The following GAREM1 variants were observed in gnomAD, a reference collection of about 807,000 sequenced individuals.
The protein encoded by GAREM1 is GRB2 associated regulator of MAPK1 subtype 1, also known as GRB2-associated and regulator of MAPK protein 1.
Under a neutral mutation model 71.3 loss-of-function variants are expected in GAREM1, and 26 were observed. The ratio of observed to expected loss-of-function variants is 0.36; its 90% CI spans 0.27 to 0.51. GAREM1 has a LOEUF of 0.51. Among genes scored for constraint, GAREM1 ranks in the 20% least tolerant of loss-of-function variants. GAREM1 has a pLI of 0.95. For synonymous variants in GAREM1, 440 were observed against 433.2 expected, an observed-to-expected ratio of 1.02 and a Z score of -0.20; for missense variants, 1,026 against 1,103.1, an observed-to-expected ratio of 0.93 and a Z score of 0.99.
chr18:32,295,416 T>C (rs1019463189), intron 3 of GAREM1, among the ~76,000 whole-genome samples: 2 of 152,224 alleles, frequency 1.3e-5, no homozygotes, highest in African/African-American at 4.8e-5. Context: ...GAGACTGGCC[T>C]ACAGTTTTAT....
In GAREM1 at chr18:32,264,569, A is replaced by C. The variant is rs369163516; in HGVS notation, c.*3302T>G. ...GGAACGGACTGTCATAATATTTCCC[A>C]TAAGATTGTTGTATTTCGACATGAG... On this transcript the variant is annotated 3_prime_UTR_variant, in exon 6 of 6. Coordinates refer to ENST00000269209, the MANE Select transcript of GAREM1 (RefSeq NM_001242409.2). The C allele has an allele frequency of 5.9e-5, 9 of 152,350 alleles. No individual in the cohort carries two copies. In the East Asian group the frequency reaches 9.6e-4, roughly 16 times the overall value. 9.4% of individuals were successfully genotyped at this position (152,350 alleles called of 1,614,324 possible). A position where few individuals can be genotyped will look rare whatever the true frequency, so the allele number is the denominator to read the frequency against.
chr18:32,450,868 T>A (rs985616572), intron 1 of GAREM1, among the ~76,000 whole-genome samples: 14 of 151,920 alleles, frequency 9.2e-5, no homozygotes, highest in African/African-American at 3.4e-4. Flanking sequence ...ATTTACCATA[T>A]TCTGTCTTTC....
chr18:32,343,967 C>A (rs959625023), intron 2 of GAREM1, among the ~76,000 whole-genome samples: 1 of 152,136 alleles, frequency 6.6e-6, no homozygotes, highest in African/African-American at 2.4e-5. Context: ...CCCTCCTAGG[C>A]ACACTCCCTC....
chr18:32,333,599 A>G (rs939160345), intron 2 of GAREM1, among the ~76,000 whole-genome samples: 7 of 152,206 alleles, frequency 4.6e-5, no homozygotes, highest in African/African-American at 1.2e-4. Flanking sequence ...GCCAGTATAC[A>G]AACTCCAATA....
In GAREM1 at chr18:32,470,563, G is replaced by C; in HGVS notation, c.-135C>G. ...CGGGCAGCTCCGGCCGCGGGCAGCC[G>C]GGGGGGCGCGGCGACTGGGGCGGCC... On this transcript the variant is annotated 5_prime_UTR_variant, in exon 1 of 6. Transcript: ENST00000269209. This position sits in a 1 kb window ranked among gnomAD's most constrained non-coding sequence, Gnocchi z 4.4. 2 of 517,228 alleles carry C rather than the reference G, an allele frequency of 3.9e-6. No individual in the cohort carries two copies. The highest frequency in any genetic ancestry group is 4.9e-6 in the Non-Finnish European group (2 of 404,868). 32.0% of individuals were successfully genotyped at this position (517,228 alleles called of 1,614,324 possible). A position where few individuals can be genotyped will look rare whatever the true frequency, so the allele number is the denominator to read the frequency against.
intron 1 of GAREM1, among the ~76,000 whole-genome samples, chr18:32,396,448 G>C (rs903489439): frequency 1.3e-5 from 2 of 152,194 alleles, no homozygotes; most frequent in Non-Finnish European, 2.9e-5. Flanking sequence ...AACCAGTGTA[G>C]AGAAGTCCTT....
At chr18:32,336,311 TCC>T (rs2144566206) in intron 2 of GAREM1, among the ~76,000 whole-genome samples, 1 of 151,640 alleles carries the variant, frequency 6.6e-6, no homozygotes, top group Non-Finnish European at 1.5e-5. Flanking sequence ...GTGCCTGTGG[TCC>T]CAGCTACTCG....
rs537529020 is a variant in GAREM1, at chr18:32,385,979, A to G, written c.262+6916T>C. 3.3e-5 allele frequency among the ~76,000 whole-genome samples: 5 copies of G among 152,362 alleles called. No individual in the cohort carries two copies. The East Asian group carries it at 7.7e-4, about 24-fold the overall frequency. The stretch of plus-strand genomic sequence containing the variant: ...AAATAAATTTTAGTTATTGTTAACT[A>G]TAACCTAAAAATTCAGTCATCAAAA... On this transcript the variant is annotated intron_variant, in intron 2 of 5. Transcript: ENST00000269209.
intron 1 of GAREM1, among the ~76,000 whole-genome samples, chr18:32,427,606 A>T (rs1158092404): frequency 6.6e-6 from 1 of 152,160 alleles, no homozygotes; most frequent in Non-Finnish European, 1.5e-5. Context: ...GCTCATTAAA[A>T]TTTTTCCTCC....
intron 1 of GAREM1, among the ~76,000 whole-genome samples, chr18:32,459,800 T>C (rs2048934631): frequency 6.6e-6 from 1 of 152,138 alleles, no homozygotes; most frequent in African/African-American, 2.4e-5. Flanking sequence ...CCATTGCTGC[T>C]AAAAGAAGAC....
chr18:32,364,018 ATATATATATGT>A (rs2047899851), intron 2 of GAREM1, among the ~76,000 whole-genome samples: 1 of 48,226 alleles, frequency 2.1e-5, no homozygotes, highest in African/African-American at 1.5e-4. Context: ...ATATATATAT[ATATATATATGT>A]TTTTTTTTTT....
At chr18:32,364,062 C>A (rs2047905394) in intron 2 of GAREM1, among the ~76,000 whole-genome samples, 1 of 66,576 alleles carries the variant, frequency 1.5e-5, no homozygotes, top group Non-Finnish European at 2.9e-5. Flanking sequence ...TGAGACACAG[C>A]CTCACTCTGT....
chr18:32,467,069 T>C (rs925862917), intron 1 of GAREM1, among the ~76,000 whole-genome samples: 4 of 152,202 alleles, frequency 2.6e-5, no homozygotes, highest in East Asian at 3.9e-4. Flanking sequence ...TATTGTGTAG[T>C]GAATATTCAT....
At position 32,268,394 on chromosome 18, in the gene GAREM1, A is replaced by C. The variant is rs140223587; in HGVS notation, c.2108T>G (p.Leu703Arg). 1.8e-4 allele frequency: 289 copies of C among 1,614,082 alleles called. No individual in the cohort carries two copies. The highest frequency in any genetic ancestry group is 2.4e-4 in the Non-Finnish European group (283 of 1,180,036). Reference sequence around the variant, plus strand: ...AAGAGATTTCACATCTGTGCTCTCCAGAGAGTAGCTGGCTGACTTGGGACA... The same window carrying C: ...AAGAGATTTCACATCTGTGCTCTCCCGAGAGTAGCTGGCTGACTTGGGACA... ...SGCPKSASYS[L>R]ESTDVKSLAA... The change falls in exon 6 of 6, where the codon CTG becomes CGG. Residue 703 changes from leucine to arginine, a missense_variant. This residue lies in a region of GAREM1 where 636 missense variants were observed against 631.2 expected (regional missense o/e 1.01). Transcript: ENST00000269209.
intron 1 of GAREM1, among the ~76,000 whole-genome samples, chr18:32,419,919 T>C (rs1411727688): frequency 6.6e-6 from 1 of 152,096 alleles, no homozygotes; most frequent in Non-Finnish European, 1.5e-5. Flanking sequence ...CATTTATACT[T>C]TGAGATATTA....
chr18:32,341,891 A>G (rs2047651322), intron 2 of GAREM1, among the ~76,000 whole-genome samples: 1 of 152,154 alleles, frequency 6.6e-6, no homozygotes, highest in Non-Finnish European at 1.5e-5. Flanking sequence ...ATGGGTGATA[A>G]AGCCCATACA....
intron 1 of GAREM1, among the ~76,000 whole-genome samples, chr18:32,401,321 A>G (rs2048313419): frequency 6.6e-6 from 1 of 152,160 alleles, no homozygotes; most frequent in Non-Finnish European, 1.5e-5. Flanking sequence ...AACTTAAAGT[A>G]TAAAAATAAA....
chr18:32,287,071 G>C lies in GAREM1; in HGVS notation c.1526C>G (p.Thr509Ser). The C allele has an allele frequency of 6.2e-7, 1 of 1,614,182 alleles. No homozygotes were observed. Among genetic ancestry groups the C allele is most frequent in the Non-Finnish European group, 8.5e-7 (1 of 1,179,984 alleles). Residue 509 changes from threonine (T) to serine (S), a missense_variant, in exon 4 of 6, where the codon ACT becomes AGT. Thr to Ser is a moderately conservative substitution (Grantham distance 58). This residue lies in a region of GAREM1 where 636 missense variants were observed against 631.2 expected (regional missense o/e 1.01). Coordinates refer to ENST00000269209, the MANE Select transcript of GAREM1 (RefSeq NM_001242409.2). This position sits in a 1 kb window ranked among gnomAD's most constrained non-coding sequence, Gnocchi z 5.9. ...TLGAAVKSSD[T>S]ALPPPPVPPK... Reference sequence around the variant, plus strand: ...AGGCACTGGAGGTGGAGGTAGGGCAGTATCTGAAGACTTCACTGCTGCTCC... The same window carrying C: ...AGGCACTGGAGGTGGAGGTAGGGCACTATCTGAAGACTTCACTGCTGCTCC...
chr18:32,289,486 G>C (rs2047058160), intron 3 of GAREM1, among the ~76,000 whole-genome samples: 1 of 151,918 alleles, frequency 6.6e-6, no homozygotes, highest in African/African-American at 2.4e-5. Context: ...ATTACTTTTT[G>C]TGTAAATGAA....
Sources: gnomAD v4.1 joint callset for allele counts (sites outside exome capture counted in the v4.1 genomes callset) on GRCh38, gnomAD v4.1.1 for gene constraint, gnomAD v4.1.1 regional missense constraint, Gnocchi (gnomAD v3.1) non-coding constraint, MANE v1.5 for transcripts, NCBI Gene and HGNC (gene_info 2026-07-23, HGNC 2026-07-21) for gene names.